The following GATM variants were observed in gnomAD, a reference collection of about 807,000 sequenced individuals.
GATM encodes the protein glycine amidinotransferase, mitochondrial.
Under a neutral mutation model 54.2 loss-of-function variants are expected in GATM, and 23 were observed. The ratio of observed to expected loss-of-function variants is 0.42; its 90% CI spans 0.31 to 0.60. The LOEUF is 0.60. GATM is among the 20% of genes least tolerant of loss of function. GATM has a pLI of 0.14. For missense variants in GATM, 401 were observed against 544.9 expected, an observed-to-expected ratio of 0.74 and a Z score of 2.63; for synonymous variants, 168 against 183.1, an observed-to-expected ratio of 0.92 and a Z score of 0.67.
chr15:45,363,897 T>C lies in GATM; in HGVS notation c.1159+3A>G. On this transcript the variant is annotated splice_donor_region_variant and intron_variant, in intron 8 of 8. Coordinates refer to ENST00000396659, the MANE Select transcript of GATM (RefSeq NM_001482.3). ...GACAACATGTTTCATTTGTTGTACATACCCAGCTTTTCAAACATCTTTTGA... is the reference window on the plus strand; with the variant it reads ...GACAACATGTTTCATTTGTTGTACACACCCAGCTTTTCAAACATCTTTTGA... 6.4e-7 allele frequency: 1 copy of C among 1,552,990 alleles called. No individual in the cohort carries two copies. The highest frequency in any genetic ancestry group is 1.1e-5 in the South Asian group (1 of 89,738).
chr15:45,391,902 C>T (rs550518211), intron 3 of GATM, among the ~76,000 whole-genome samples: 2 of 152,238 alleles, frequency 1.3e-5, no homozygotes, highest in African/African-American at 2.4e-5. Flanking sequence ...CAGATGTGTA[C>T]CTCAGACAGT....
intron 2 of GATM, among the ~76,000 whole-genome samples, chr15:45,374,450 A>C (rs974286857): frequency 7.9e-5 from 12 of 152,342 alleles, no homozygotes; most frequent in Admixed American, 7.2e-4. Flanking sequence ...AGGGGATGGG[A>C]CTTTTCAAGA....
Position 45,363,899 on chromosome 15 carries a change from C to T in GATM, c.1159+1G>A. On this transcript the variant is annotated splice_donor_variant, in intron 8 of 8. Coordinates refer to ENST00000396659, the MANE Select transcript of GATM (RefSeq NM_001482.3). LOFTEE classifies it high-confidence loss of function. ...CAACATGTTTCATTTGTTGTACATA[C>T]CCAGCTTTTCAAACATCTTTTGAAT... 6.4e-7 allele frequency: 1 copy of T among 1,569,878 alleles called. No homozygotes were observed. The highest frequency in any genetic ancestry group is 8.8e-7 in the Non-Finnish European group (1 of 1,140,422).
intron 2 of GATM, among the ~76,000 whole-genome samples, chr15:45,374,135 T>C (rs1785894466): frequency 6.6e-6 from 1 of 152,246 alleles, no homozygotes; most frequent in African/African-American, 2.4e-5. Flanking sequence ...TTCATTTTAC[T>C]GTGGCCCAGA....
At chr15:45,378,738 C>T (rs1408177487), upstream of GATM, 1 of 351,392 alleles carries the variant, frequency 2.8e-6, no homozygotes, top group Non-Finnish European at 5.1e-6. Context: ...CCACTGACGG[C>T]TTCTGTTGCA....
In GATM at chr15:45,366,180, G is replaced by T. The variant is rs766583032; in HGVS notation, c.844C>A (p.Arg282Ser). The T allele has an allele frequency of 6.2e-7, 1 of 1,613,986 alleles. No homozygotes were observed. Among genetic ancestry groups the T allele is most frequent in the Non-Finnish European group, 8.5e-7 (1 of 1,179,934 alleles). Residue 282 changes from arginine to serine, a missense_variant, in exon 6 of 9, where the codon CGT becomes AGT. Physicochemically the swap from Arg to Ser is moderately radical, Grantham distance 110. Coordinates refer to ENST00000396659, the MANE Select transcript of GATM (RefSeq NM_001482.3). ...VTNYLGIEWM[R>S]RHLAPDYRVH... is the part of the protein sequence containing the mutation. Reference sequence around the variant, plus strand: ...CTGTAGTCTGGAGCAAGATGCCTACGCATCCATTCAATGCCTAGGTAGTTT... The same window carrying T: ...CTGTAGTCTGGAGCAAGATGCCTACTCATCCATTCAATGCCTAGGTAGTTT...
intron 3 of GATM, among the ~76,000 whole-genome samples, chr15:45,395,757 G>T (rs1889919842): frequency 6.6e-6 from 1 of 152,094 alleles, no homozygotes; most frequent in African/African-American, 2.4e-5. Context: ...TTGGAGGAGA[G>T]AATACCATTA....
intron 3 of GATM, among the ~76,000 whole-genome samples, chr15:45,393,083 G>T (rs1206502710): frequency 6.6e-6 from 1 of 152,196 alleles, no homozygotes; most frequent in Non-Finnish European, 1.5e-5. Flanking sequence ...TGATATTGTG[G>T]TATTCCCAGC....
At position 45,376,890 on chromosome 15, in the gene GATM, G is replaced by C. The variant is rs565347987; in HGVS notation, c.70-71C>G. On this transcript the variant is annotated intron_variant, in intron 1 of 8. Coordinates refer to ENST00000396659, the MANE Select transcript of GATM (RefSeq NM_001482.3). ...GTACTTACAGAGAGGAGGAAGTGGA[G>C]ATGGAGTAAAAATCCAGCATAACAT... is the stretch of plus-strand genomic sequence containing the variant. 3.7e-5 allele frequency: 52 copies of C among 1,409,170 alleles called. 1 individual carries two copies. In the South Asian group the frequency reaches 5.9e-4, roughly 16 times the overall value. The allele number at this position is 1,409,170 out of a possible 1,614,324, so 87.3% of individuals were successfully genotyped here. A position where few individuals can be genotyped will look rare whatever the true frequency, so the allele number is the denominator to read the frequency against.
chr15:45,396,911 A>T (rs1428710941), intron 3 of GATM: 3 of 149,342 alleles, frequency 2.0e-5, no homozygotes, highest in African/African-American at 7.4e-5. Context: ...TATGGTAAAG[A>T]TAATACTGAC....
intron 3 of GATM, among the ~76,000 whole-genome samples, chr15:45,393,195 G>A (rs1889890243): frequency 6.6e-6 from 1 of 152,168 alleles, no homozygotes; most frequent in East Asian, 1.9e-4. Flanking sequence ...AAAATCAGGT[G>A]TAAAATTTTA....
intron 3 of GATM, among the ~76,000 whole-genome samples, chr15:45,394,218 G>A (rs1889902454): frequency 6.6e-6 from 1 of 152,172 alleles, no homozygotes; most frequent in African/African-American, 2.4e-5. Context: ...TCATAGGAGT[G>A]TGAATCTTAC....
rs1222906882 is a variant in GATM, at chr15:45,363,216, G to A, written c.1159+684C>T. Among the ~76,000 whole-genome samples, 3 of 152,096 alleles carry A rather than the reference G, an allele frequency of 2.0e-5. No individual in the cohort carries two copies. The East Asian group carries it at 5.8e-4, about 29-fold the overall frequency. On this transcript the variant is annotated intron_variant, in intron 8 of 8. Coordinates refer to ENST00000396659, the MANE Select transcript of GATM (RefSeq NM_001482.3). The stretch of plus-strand genomic sequence containing the variant: ...GAACCCAGAAAGTGTAGGTTGCAGT[G>A]AGCCGAGGTCACGCCACTACACTAC...
At chr15:45,393,370 TG>T (rs1230551995) in intron 3 of GATM, among the ~76,000 whole-genome samples, 1 of 152,062 alleles carries the variant, frequency 6.6e-6, no homozygotes, top group Non-Finnish European at 1.5e-5. Flanking sequence ...TGTGTGAACT[TG>T]GGAAAGCTAC....
chr15:45,394,658 A>G (rs1008860839), intron 3 of GATM, among the ~76,000 whole-genome samples: 3 of 152,228 alleles, frequency 2.0e-5, no homozygotes, highest in African/African-American at 7.2e-5. Context: ...AAGAAGTGGG[A>G]CAAAGAAAAT....
chr15:45,368,225 C>T lies in GATM; in HGVS notation c.520G>A (p.Val174Ile). ...GCCTCGATAATCTCATTGCCCACAA[C>T]TATCAGGATGTCTCGAGGCATTGCA... ...YSAMPRDILI[V>I]VGNEIIEAPM... is the part of the protein sequence containing the mutation. Residue 174 changes from valine to isoleucine, a missense_variant, in exon 4 of 9, where the codon GTT becomes ATT. Physicochemically the swap from Val to Ile is conservative, Grantham distance 29. Coordinates refer to ENST00000396659, the MANE Select transcript of GATM (RefSeq NM_001482.3). This position sits in a 1 kb window ranked among gnomAD's most constrained non-coding sequence, Gnocchi z 5.1. 1 of 1,614,048 alleles carries T rather than the reference C, an allele frequency of 6.2e-7. No individual in the cohort carries two copies. The highest frequency in any genetic ancestry group is 8.5e-7 in the Non-Finnish European group (1 of 1,180,014).
intron 3 of GATM, among the ~76,000 whole-genome samples, chr15:45,388,240 T>C (rs1765270903): frequency 6.6e-6 from 1 of 152,234 alleles, no homozygotes; most frequent in Non-Finnish European, 1.5e-5. Context: ...TATGTTAAAA[T>C]AATTTTCATG....
At position 45,366,474 on chromosome 15, in the gene GATM, T is replaced by C. The variant is rs764877849; in HGVS notation, c.710A>G (p.Lys237Arg). The C allele has an allele frequency of 5.6e-6, 9 of 1,614,052 alleles. No homozygotes were observed. The highest frequency in any genetic ancestry group is 1.3e-5 in the African/African-American group (1 of 74,918). Residue 237 changes from lysine to arginine, a missense_variant, in exon 5 of 9, where the codon AAA becomes AGA. This residue lies in a region of GATM where 321 missense variants were observed against 457.5 expected (regional missense o/e 0.70). Transcript: ENST00000396659. ...YPIHSVEDRH[K>R]LAAQGKFVTT... ...CACAAATTTTCCCTGAGCAGCCAAT[T>C]TGTGTCTGTCTTCTACAGAGTGGAT...
chr15:45,361,739 A>G lies in GATM; in HGVS notation c.*370T>C. ...AACATTCTCAAGTCTATAGAAGAGG[A>G]AAAAAAATTAAGATTAGGACCAACA... On this transcript the variant is annotated 3_prime_UTR_variant, in exon 9 of 9. Transcript: ENST00000396659. 1 of 469,954 alleles carries G rather than the reference A, an allele frequency of 2.1e-6. No homozygotes were observed. Among genetic ancestry groups the G allele is most frequent in the Non-Finnish European group, 3.7e-6 (1 of 268,848 alleles). The allele number at this position is 469,954 out of a possible 1,614,324, so 29.1% of individuals were successfully genotyped here.
Sources: allele counts gnomAD v4.1 joint callset (sites outside exome capture counted in the v4.1 genomes callset), GRCh38; gene constraint gnomAD v4.1.1; regional missense constraint gnomAD v4.1.1; non-coding constraint Gnocchi (gnomAD v3.1); transcripts MANE v1.5; gene names NCBI Gene and HGNC (gene_info 2026-07-23, HGNC 2026-07-21).